The following GUCY1B1 variants were observed in gnomAD, a reference collection of about 807,000 sequenced individuals.
GUCY1B1 encodes guanylate cyclase soluble subunit beta-1.
GUCY1B1 carries 43 observed loss-of-function variants against 71.0 expected under a neutral mutation model. The ratio of observed to expected loss-of-function variants is 0.61; its 90% confidence interval spans 0.47 to 0.78. GUCY1B1 has a LOEUF of 0.78. GUCY1B1 is among the 30% of genes least tolerant of loss of function. The pLI is 0.00. For missense variants in GUCY1B1, 535 were observed against 754.1 expected (o/e 0.71, Z 3.40); for synonymous variants, 266 against 259.7 (o/e 1.02, Z -0.23).
intron 2 of GUCY1B1, among the ~76,000 whole-genome samples, chr4:155,772,105 A>G (rs1045642929): frequency 1.3e-5 from 2 of 152,192 alleles, no homozygotes; most frequent in Non-Finnish European, 2.9e-5. Context: ...CAATGTTTGT[A>G]TATTACGTTT....
At position 155,790,008 on chromosome 4, in the gene GUCY1B1, C is replaced by T. The variant is rs1357846808; in HGVS notation, c.495+97C>T. 5 of 795,054 alleles carry T rather than the reference C, an allele frequency of 6.3e-6. No individual in the cohort carries two copies. In the African/African-American group the frequency reaches 6.9e-5, roughly 11 times the overall value. 49.2% of individuals were successfully genotyped at this position (795,054 alleles called of 1,614,324 possible). On this transcript the variant is annotated intron_variant, in intron 5 of 13. Transcript: ENST00000264424. ...TTACCTGCAGTTATCACTGTTAGTG[C>T]TCTTCCCTGGAAGTATATATAAGCC... is the stretch of plus-strand genomic sequence containing the variant.
chr4:155,786,023 C>G (rs557696867), intron 4 of GUCY1B1, among the ~76,000 whole-genome samples: 5 of 152,026 alleles, frequency 3.3e-5, no homozygotes, highest in Non-Finnish European at 7.3e-5. Context: ...GAAGTACTGA[C>G]TTGGATGATT....
chr4:155,794,033 C>G lies in GUCY1B1; in HGVS notation c.673C>G (p.Arg225Gly). The G allele has an allele frequency of 1.2e-6, 2 of 1,612,922 alleles. No individual in the cohort carries two copies. Among genetic ancestry groups the G allele is most frequent in the Non-Finnish European group, 1.7e-6 (2 of 1,179,072 alleles). Residue 225 changes from arginine to glycine, a missense_variant, in exon 6 of 14, where the codon CGG becomes GGG. By Grantham distance (125) the Arg-to-Gly change is moderately radical. Coordinates refer to ENST00000264424, the MANE Select transcript of GUCY1B1 (RefSeq NM_000857.5). ...TTTTCCTTTTCATATAATATTTGAC[C>G]GGGACCTAGTGGTCACTCAGTGTGG... ...KAFPFHIIFD[R>G]DLVVTQCGNA... is the part of the protein sequence containing the mutation.
intron 2 of GUCY1B1, among the ~76,000 whole-genome samples, chr4:155,773,139 C>T (rs1471816576): frequency 2.6e-5 from 4 of 152,150 alleles, no homozygotes; most frequent in Admixed American, 6.5e-5. Flanking sequence ...ACAGGGATTC[C>T]GATGAATTGG....
chr4:155,781,077 T>C (rs1372810207), intron 4 of GUCY1B1, among the ~76,000 whole-genome samples: 1 of 152,190 alleles, frequency 6.6e-6, no homozygotes, highest in Non-Finnish European at 1.5e-5. Flanking sequence ...AATAGGTCTG[T>C]CTTATATATG....
chr4:155,786,461 C>CTTTTT (rs70954058), intron 4 of GUCY1B1, among the ~76,000 whole-genome samples: 9 of 37,148 alleles, frequency 2.4e-4, no homozygotes, highest in Non-Finnish European at 3.3e-4. Flanking sequence ...TTCTTTCTTT[C>CTTTTT]TTTTTTTTTT....
chr4:155,787,031 T>G (rs555187954), intron 4 of GUCY1B1, among the ~76,000 whole-genome samples: 1 of 152,178 alleles, frequency 6.6e-6, no homozygotes, highest in Non-Finnish European at 1.5e-5. Context: ...AATAAAACTC[T>G]CTCAGTGATT....
At chr4:155,769,589 A>G (rs1171355119) in intron 2 of GUCY1B1, among the ~76,000 whole-genome samples, 1 of 152,204 alleles carries the variant, frequency 6.6e-6, no homozygotes, top group African/African-American at 2.4e-5. Flanking sequence ...AGTAAGCAGC[A>G]ACAGACTGTA....
chr4:155,796,893 A>C (rs922219370), intron 8 of GUCY1B1, among the ~76,000 whole-genome samples: 4 of 152,236 alleles, frequency 2.6e-5, no homozygotes, highest in African/African-American at 9.6e-5. Context: ...TTTGACATCA[A>C]AAATTATCTT....
At chr4:155,797,646 G>A (rs1334629525) in intron 8 of GUCY1B1, among the ~76,000 whole-genome samples, 1 of 151,458 alleles carries the variant, frequency 6.6e-6, no homozygotes, top group East Asian at 1.9e-4. Context: ...GCTGAGGCAG[G>A]AGAGTCGCTT....
At chr4:155,774,932 C>G in intron 2 of GUCY1B1, 36 bp from the exon 3 acceptor site, 1 of 1,086,354 alleles carries the variant, frequency 9.2e-7, no homozygotes, top group Non-Finnish European at 1.4e-6. Flanking sequence ...TTAACTTCAA[C>G]TTTTCTCTTC....
intron 13 of GUCY1B1, among the ~76,000 whole-genome samples, chr4:155,805,873 T>G (rs940080306): frequency 9.2e-5 from 14 of 152,160 alleles, no homozygotes. Context: ...CAAAGTGGAA[T>G]CACACCTCTC....
In GUCY1B1 at chr4:155,793,985, A is replaced by G; in HGVS notation, c.625A>G (p.Ser209Gly). The G allele has an allele frequency of 6.2e-7, 1 of 1,611,580 alleles. No homozygotes were observed. Reference sequence around the variant, plus strand: ...AAATGGTACCCAGGAATCACGCATCAGCCCATATACATTCTGCAAAGCTTT... The same window carrying G: ...AAATGGTACCCAGGAATCACGCATCGGCCCATATACATTCTGCAAAGCTTT... ...EENGTQESRI[S>G]PYTFCKAFPF... Residue 209 changes from serine (S) to glycine (G), a missense_variant, in exon 6 of 14, where the codon AGC becomes GGC. Physicochemically the swap from Ser to Gly is moderately conservative, Grantham distance 56 (BLOSUM62 0). Transcript: ENST00000264424.
At chr4:155,761,492 T>A (rs1281559065) in intron 2 of GUCY1B1, among the ~76,000 whole-genome samples, 1 of 152,206 alleles carries the variant, frequency 6.6e-6, no homozygotes, top group Non-Finnish European at 1.5e-5. Context: ...TAAACAGTCA[T>A]TATGTAATTT....
At chr4:155,773,900 GA>G (rs1410030836) in intron 2 of GUCY1B1, among the ~76,000 whole-genome samples, 3 of 152,110 alleles carry the variant, frequency 2.0e-5, no homozygotes, top group Non-Finnish European at 4.4e-5. Flanking sequence ...TGTTAGCCAG[GA>G]TGGTCTTGAT....
chr4:155,770,453 T>A (rs1737621909), intron 2 of GUCY1B1, among the ~76,000 whole-genome samples: 1 of 152,330 alleles, frequency 6.6e-6, no homozygotes, highest in South Asian at 2.1e-4. Context: ...AGAAAAGTTG[T>A]ATTGAGAATT....
Position 155,793,848 on chromosome 4 carries a change from AT to A in GUCY1B1, c.496-7del. 3.3e-6 allele frequency: 4 copies of A among 1,201,716 alleles called. No homozygotes were observed. The highest frequency in any genetic ancestry group is 5.0e-6 in the Non-Finnish European group (4 of 805,636). 74.4% of individuals were successfully genotyped at this position (1,201,716 alleles called of 1,614,324 possible). ...ACAATTCATGCCATTTCCCCCTTTG[AT>A]ATCCAGGTTATTCAGCAAAGAAATG... On this transcript the variant is annotated splice_polypyrimidine_tract_variant and splice_region_variant and intron_variant, in intron 5 of 13. Transcript: ENST00000264424.
intron 5 of GUCY1B1, among the ~76,000 whole-genome samples, chr4:155,791,457 G>A (rs1295835002): frequency 2.0e-5 from 3 of 149,048 alleles, no homozygotes; most frequent in East Asian, 2.1e-4. Context: ...TCGCCTGGGC[G>A]CAGTGGCTCA....
At position 155,789,734 on chromosome 4, in the gene GUCY1B1, C is replaced by T. The variant is rs747272010; in HGVS notation, c.318C>T (p.Asp106=). 1.9e-6 allele frequency: 3 copies of T among 1,603,980 alleles called. No individual in the cohort carries two copies. Among genetic ancestry groups the T allele is most frequent in the Non-Finnish European group, 2.6e-6 (3 of 1,173,308 alleles). The part of the protein sequence containing the change: ...EFLQNLDALH[D]HLATIYPGMR... ...TGCAGAACCTTGATGCTCTGCACGA[C>T]CACCTTGCTACCATCTACCCAGGAA... The change falls in exon 5 of 14, where the codon GAC becomes GAT. Residue 106 remains aspartate, a synonymous_variant. Coordinates refer to ENST00000264424, the MANE Select transcript of GUCY1B1 (RefSeq NM_000857.5).
Sources: allele counts gnomAD v4.1 joint callset (sites outside exome capture counted in the v4.1 genomes callset), GRCh38; gene constraint gnomAD v4.1.1; transcripts MANE v1.5; gene names NCBI Gene and HGNC (gene_info 2026-07-23, HGNC 2026-07-21).